The following COL11A1 variants were observed in gnomAD, a reference collection of about 807,000 sequenced individuals.
The protein encoded by COL11A1 is collagen alpha-1(XI) chain.
A neutral mutation model predicts 265.2 loss-of-function variants in COL11A1; 74 were observed. The ratio of observed to expected loss-of-function variants is 0.28; its 90% CI spans 0.23 to 0.34. COL11A1 has a LOEUF of 0.34. Ranked by LOEUF, COL11A1 falls within the 10% of genes least tolerant of loss-of-function variation. The pLI is 1.00. For missense variants in COL11A1, 2,165 were observed against 2,263.6 expected (o/e 0.96, Z 0.88); for synonymous variants, 816 against 727.6 (o/e 1.12, Z -1.96).
chr1:102,915,226 TC>T (rs1462900894), intron 50 of COL11A1, among the ~76,000 whole-genome samples: 1 of 152,144 alleles, frequency 6.6e-6, no homozygotes, highest in East Asian at 1.9e-4. Context: ...CAAAAGTGTC[TC>T]CAGATATTGT....
intron 41 of COL11A1, among the ~76,000 whole-genome samples, chr1:102,952,376 T>C (rs1380987757): frequency 6.6e-6 from 1 of 152,200 alleles, no homozygotes; most frequent in Non-Finnish European, 1.5e-5. Context: ...GAATTACAGG[T>C]GTGAGCCACC....
rs747550115 is a variant in COL11A1 at position 103,026,332 on chromosome 1, A to G, written c.781T>C (p.Tyr261His). 12 of 1,597,642 alleles carry G rather than the reference A, an allele frequency of 7.5e-6. No individual in the cohort carries two copies. Among genetic ancestry groups the G allele is most frequent in the Non-Finnish European group, 1.0e-5 (12 of 1,165,002 alleles). Residue 261 changes from tyrosine (Y) to histidine (H), a missense_variant and splice_region_variant, in exon 6 of 67, where the codon TAT becomes CAT. Physicochemically the swap from Tyr to His is moderately conservative, Grantham distance 83 (BLOSUM62 2). Coordinates refer to ENST00000370096, the MANE Select transcript of COL11A1 (RefSeq NM_001854.4). ...AQAQEPQIDE[Y>H]APEDIIEYDY... ...TATTCGATTATATCCTCTGGTGCATACTACATTGCAAAGGAAAAAATATCA... is the reference window on the plus strand; with the variant it reads ...TATTCGATTATATCCTCTGGTGCATGCTACATTGCAAAGGAAAAAATATCA...
At chr1:102,992,167 C>T (rs77994119) in intron 28 of COL11A1, among the ~76,000 whole-genome samples, 1,816 of 152,074 alleles carry the variant, frequency 0.012, 27 homozygotes, top group African/African-American at 0.037. Flanking sequence ...AGCATATTCA[C>T]GTTTAAAAAA....
chr1:102,982,521 C>A (rs1205323168), intron 31 of COL11A1, among the ~76,000 whole-genome samples: 3 of 151,880 alleles, frequency 2.0e-5, no homozygotes, highest in African/African-American at 4.8e-5. Context: ...TGAAAGGAAG[C>A]TAACTGGGAG....
chr1:103,105,619 C>T (rs1410311134), intron 1 of COL11A1, among the ~76,000 whole-genome samples: 2 of 152,002 alleles, frequency 1.3e-5, no homozygotes, highest in Non-Finnish European at 2.9e-5. Context: ...CAAATCTTAT[C>T]ACTGTACCTC....
Position 103,108,063 on chromosome 1 carries a change from T to C in COL11A1, c.106+10A>G. The C allele has an allele frequency of 6.2e-7, 1 of 1,611,916 alleles. No individual in the cohort carries two copies. Among genetic ancestry groups the C allele is most frequent in the South Asian group, 1.1e-5 (1 of 90,948 alleles). Reference sequence around the variant, plus strand: ...CAATCTCCCACCTCCCCAAATCCATTTTTTCTTACCTCCTCTGACCTCTCT... The same window carrying C: ...CAATCTCCCACCTCCCCAAATCCATCTTTTCTTACCTCCTCTGACCTCTCT... On this transcript the variant is annotated intron_variant, in intron 1 of 66. Transcript: ENST00000370096.
chr1:102,917,801 G>A (rs983776152), intron 49 of COL11A1, among the ~76,000 whole-genome samples: 5 of 151,426 alleles, frequency 3.3e-5, no homozygotes, highest in African/African-American at 4.8e-5. Context: ...AAATGCTTGA[G>A]GTGATAAAAA....
intron 28 of COL11A1, among the ~76,000 whole-genome samples, chr1:102,990,242 C>G (rs1305847505): frequency 1.3e-5 from 2 of 152,044 alleles, no homozygotes; most frequent in East Asian, 3.9e-4. Context: ...ATCATTTTAA[C>G]TTTGTATTAC....
chr1:103,029,040 C>G (rs1360687284), intron 5 of COL11A1, among the ~76,000 whole-genome samples: 1 of 151,970 alleles, frequency 6.6e-6, no homozygotes, highest in Non-Finnish European at 1.5e-5. Flanking sequence ...TAAAATCTGT[C>G]TACATTATAG....
chr1:102,896,463 G>C (rs1652439362), intron 57 of COL11A1, among the ~76,000 whole-genome samples: 1 of 152,144 alleles, frequency 6.6e-6, no homozygotes, highest in Non-Finnish European at 1.5e-5. Flanking sequence ...TGAAGACCAA[G>C]TAGCATTTTC....
chr1:102,887,584 G>A (rs1040268056), intron 62 of COL11A1, among the ~76,000 whole-genome samples: 1 of 152,038 alleles, frequency 6.6e-6, no homozygotes, highest in East Asian at 1.9e-4. Context: ...AATGCAACCC[G>A]ACTTGAATTT....
chr1:103,067,150 G>A (rs1210043605), intron 4 of COL11A1, among the ~76,000 whole-genome samples: 1 of 151,932 alleles, frequency 6.6e-6, no homozygotes, highest in Non-Finnish European at 1.5e-5. Context: ...AAAGATCTAA[G>A]TGACATTTAT....
chr1:102,877,031 T>C lies in COL11A1; in HGVS notation c.*988A>G, dbSNP rs1649579504. ...GAAAATCTAACATTGCACAAATTCA[T>C]AAATAATTGCTTAATTTCCATCTTT... On this transcript the variant is annotated 3_prime_UTR_variant, in exon 67 of 67. Transcript: ENST00000370096. 6.6e-6 allele frequency: 1 copy of C among 152,576 alleles called. No homozygotes were observed. The highest frequency in any genetic ancestry group is 2.4e-5 in the African/African-American group (1 of 41,456). The allele number at this position is 152,576 out of a possible 1,614,324, so 9.5% of individuals were successfully genotyped here.
At chr1:102,930,250 T>C (rs1657231424) in intron 46 of COL11A1, among the ~76,000 whole-genome samples, 1 of 151,792 alleles carries the variant, frequency 6.6e-6, no homozygotes, top group Admixed American at 6.6e-5. Flanking sequence ...GCTCTTATTA[T>C]TTTGAAATAC....
intron 46 of COL11A1, among the ~76,000 whole-genome samples, chr1:102,930,925 G>A (rs1471073114): frequency 6.6e-6 from 1 of 150,924 alleles, no homozygotes; most frequent in Non-Finnish European, 1.5e-5. Context: ...ATTTCTGTGG[G>A]ATCGGTGGTG....
At chr1:103,041,833 A>C (rs1040231949) in intron 4 of COL11A1, among the ~76,000 whole-genome samples, 8 of 152,038 alleles carry the variant, frequency 5.3e-5, no homozygotes, top group Non-Finnish European at 1.0e-4. Context: ...CAAAATTGAA[A>C]GCGAGAATTC....
At chr1:103,025,934 T>C in intron 6 of COL11A1, 3 of 1,612,370 alleles carry the variant, frequency 1.9e-6, no homozygotes, top group Non-Finnish European at 2.5e-6. Flanking sequence ...ATCTTCTTTT[T>C]GAAATTGGAT....
intron 28 of COL11A1, among the ~76,000 whole-genome samples, chr1:102,994,671 T>G (rs538762258): frequency 6.6e-6 from 1 of 152,270 alleles, no homozygotes; most frequent in South Asian, 2.1e-4. Context: ...TCCATGTATA[T>G]CTTACCAAAC....
intron 4 of COL11A1, among the ~76,000 whole-genome samples, chr1:103,045,762 T>TC (rs972674531): frequency 2.1e-5 from 3 of 143,630 alleles, no homozygotes; most frequent in African/African-American, 7.8e-5. Flanking sequence ...ATGCTATCCC[T>TC]CCCCCCTACC....
Sources: allele counts gnomAD v4.1 joint callset (sites outside exome capture counted in the v4.1 genomes callset), GRCh38; gene constraint gnomAD v4.1.1; transcripts MANE v1.5; gene names NCBI Gene and HGNC (gene_info 2026-07-23, HGNC 2026-07-21).